Variants in DACH2 observed in about 807,000 individuals in gnomAD.
The protein encoded by DACH2 is dachshund homolog 2.
In DACH2, 17 loss-of-function variants were observed where a neutral mutation model predicts 35.8. The ratio of observed to expected loss-of-function variants is 0.48; its 90% CI spans 0.33 to 0.71. The LOEUF (loss-of-function observed/expected upper bound fraction) is 0.71, where lower values mean the gene tolerates loss of function less well. DACH2 is among the 30% of genes least tolerant of loss of function. The pLI, the probability that DACH2 is intolerant of heterozygous loss-of-function variation, is 0.02. For missense variants in DACH2, 469 were observed against 472.7 expected, an observed-to-expected ratio of 0.99 and a Z score of 0.07; for synonymous variants, 195 against 177.3, an observed-to-expected ratio of 1.10 and a Z score of -0.79.
intron 3 of DACH2, among the ~76,000 whole-genome samples, chrX:86,541,593 T>C (rs1032564016): frequency 9.0e-6 from 1 of 111,461 alleles, no homozygotes; most frequent in African/African-American, 3.2e-5. Context: ...GAAAAACATA[T>C]CTGATTTTAG....
At chrX:86,721,955 C>G (rs1464298142) in intron 6 of DACH2, among the ~76,000 whole-genome samples, 2 of 110,973 alleles carry the variant, frequency 1.8e-5, no homozygotes, top group Admixed American at 9.6e-5. Context: ...GGAAACCACC[C>G]CCATGATTTG....
intron 3 of DACH2, among the ~76,000 whole-genome samples, chrX:86,573,939 C>T (rs1200578932): frequency 6.3e-5 from 7 of 111,556 alleles, no homozygotes; most frequent in Admixed American, 2.9e-4. Context: ...CTCTTCTCCT[C>T]CTCGTTAAAG....
At chrX:86,296,298 G>T (rs989683734) in intron 1 of DACH2, among the ~76,000 whole-genome samples, 31 of 100,454 alleles carry the variant, frequency 3.1e-4, no homozygotes, top group Non-Finnish European at 6.0e-4. Flanking sequence ...GGAGAATGGC[G>T]TGAACCCTGG....
At chrX:86,468,367 T>A (rs908376197) in intron 2 of DACH2, among the ~76,000 whole-genome samples, 1 of 111,414 alleles carries the variant, frequency 9.0e-6, no homozygotes, top group African/African-American at 3.3e-5. Flanking sequence ...AATATATATG[T>A]GAGTGGCTTA....
chrX:86,212,261 T>C (rs1835697864), intron 1 of DACH2, among the ~76,000 whole-genome samples: 2 of 111,899 alleles, frequency 1.8e-5, no homozygotes, highest in South Asian at 7.3e-4. Flanking sequence ...GTTGAAAATC[T>C]TTGTGTATAT....
intron 1 of DACH2, among the ~76,000 whole-genome samples, chrX:86,277,827 G>C (rs2033946795): frequency 8.9e-6 from 1 of 111,831 alleles, no homozygotes; most frequent in African/African-American, 3.2e-5. Flanking sequence ...ATAGTCGTTT[G>C]GCATTTGAAG....
At chrX:86,617,953 G>A (rs1405344224) in intron 3 of DACH2, among the ~76,000 whole-genome samples, 1 of 112,246 alleles carries the variant, frequency 8.9e-6, no homozygotes, top group Non-Finnish European at 1.9e-5. Flanking sequence ...TTAAGATTAT[G>A]ATGAGAATTG....
intron 2 of DACH2, among the ~76,000 whole-genome samples, chrX:86,435,519 C>A (rs1426174736): frequency 9.0e-6 from 1 of 111,550 alleles, no homozygotes; most frequent in Non-Finnish European, 1.9e-5. Flanking sequence ...ATATTATGAT[C>A]CATTCAGTAT....
intron 2 of DACH2, among the ~76,000 whole-genome samples, chrX:86,469,240 A>C (rs1366022377): frequency 9.0e-6 from 1 of 110,897 alleles, no homozygotes; most frequent in Non-Finnish European, 1.9e-5. Flanking sequence ...AAGGACACAA[A>C]ATTTTAGTTA....
chrX:86,396,801 A>G (rs1473386629), intron 2 of DACH2, among the ~76,000 whole-genome samples: 14 of 110,836 alleles, frequency 1.3e-4, no homozygotes, highest in African/African-American at 3.9e-4. Flanking sequence ...GCCTTGTAGT[A>G]TAGTTTGAAG....
chrX:86,182,124 A>C (rs1409491113), intron 1 of DACH2, among the ~76,000 whole-genome samples: 1 of 111,386 alleles, frequency 9.0e-6, no homozygotes, highest in Non-Finnish European at 1.9e-5. Context: ...ATTTTCTCCC[A>C]TTCTGTAGGT....
chrX:86,340,893 G>A (rs1230347013), intron 1 of DACH2, among the ~76,000 whole-genome samples: 1 of 111,944 alleles, frequency 8.9e-6, no homozygotes, highest in East Asian at 2.8e-4. Flanking sequence ...GGCCCTACCG[G>A]TCTTCAATTC....
intron 1 of DACH2, among the ~76,000 whole-genome samples, chrX:86,347,731 A>C (rs1473136162): frequency 2.7e-5 from 3 of 112,730 alleles, no homozygotes; most frequent in Non-Finnish European, 3.7e-5. Flanking sequence ...TCACCATTCC[A>C]TTTTAAAGAA....
intron 2 of DACH2, among the ~76,000 whole-genome samples, chrX:86,398,238 C>G (rs1315276503): frequency 8.9e-6 from 1 of 111,774 alleles, no homozygotes; most frequent in Non-Finnish European, 1.9e-5. Flanking sequence ...GGTGATATCC[C>G]CTTTGTCATT....
At chrX:86,150,740 C>A (rs989421084) in intron 1 of DACH2, among the ~76,000 whole-genome samples, 1 of 111,669 alleles carries the variant, frequency 9.0e-6, no homozygotes, top group Non-Finnish European at 1.9e-5. Context: ...AATTTTATTT[C>A]GACTACAAAG....
chrX:86,510,234 GA>G (rs1027344481), intron 2 of DACH2, among the ~76,000 whole-genome samples: 1 of 111,962 alleles, frequency 8.9e-6, no homozygotes. Context: ...CAAATGACAT[GA>G]AACAAAAATA....
intron 6 of DACH2, among the ~76,000 whole-genome samples, chrX:86,737,555 T>C (rs536163430): frequency 1.8e-5 from 2 of 111,671 alleles, no homozygotes; most frequent in South Asian, 7.5e-4. Flanking sequence ...GATGACCGTA[T>C]TAGTGTTCTA....
At chrX:86,613,116 T>G (rs186408326) in intron 3 of DACH2, among the ~76,000 whole-genome samples, 181 of 112,412 alleles carry the variant, frequency 1.6e-3, no homozygotes, top group African/African-American at 5.4e-3. Flanking sequence ...ATAAAATATT[T>G]CTGCTTTGCA....
chrX:86,203,154 T>C (rs778226701), intron 1 of DACH2, among the ~76,000 whole-genome samples: 52 of 111,385 alleles, frequency 4.7e-4, no homozygotes, highest in African/African-American at 1.6e-3. Flanking sequence ...CAGAGAAATA[T>C]AGATATTTGA....
Sources: allele counts gnomAD v4.1 joint callset (sites outside exome capture counted in the v4.1 genomes callset), GRCh38; gene constraint gnomAD v4.1.1; transcripts MANE v1.5; gene names NCBI Gene and HGNC (gene_info 2026-07-23, HGNC 2026-07-21).